Variants in MICAL2 observed in about 807,000 individuals in gnomAD.
MICAL2 encodes microtubule associated monooxygenase, calponin and LIM domain containing 2.
MICAL2 carries 77 observed loss-of-function variants against 127.3 expected under a neutral mutation model. That is an observed-to-expected ratio of 0.60 (90% CI 0.50 to 0.73). MICAL2 has a LOEUF of 0.73. Among genes scored for constraint, MICAL2 ranks in the 30% least tolerant of loss-of-function variants. MICAL2 has a pLI of 0.00. For missense variants in MICAL2, 1,351 were observed against 1,434.4 expected, an observed-to-expected ratio of 0.94 and a Z score of 0.94; for synonymous variants, 570 against 551.1, an observed-to-expected ratio of 1.03 and a Z score of -0.48.
chr11:12,290,416 A>G (rs1019500278), downstream of MICAL2, among the ~76,000 whole-genome samples: 4 of 152,108 alleles, frequency 2.6e-5, no homozygotes, highest in African/African-American at 9.7e-5. Context: ...GGGAACAAAA[A>G]GGCAGTCTGT....
In MICAL2 at chr11:12,339,954, C is replaced by G. The variant is rs1474612147; in HGVS notation, c.5516-9884C>G. 6.6e-5 allele frequency among the ~76,000 whole-genome samples: 10 copies of G among 152,262 alleles called. 1 individual carries two copies. The East Asian group carries it at 1.7e-3, about 26-fold the overall frequency. ...GTTCTCAAGCTGTGTGCTGGGAGAA[C>G]CACTACTCTCTTCAAAGCTCAGTTG... On this transcript the variant is annotated intron_variant, in intron 32 of 34. Coordinates refer to the MICAL2 transcript ENST00000646065.
chr11:12,282,378 T>A (rs1863782115), intron 2 of MICAL2, among the ~76,000 whole-genome samples: 1 of 152,172 alleles, frequency 6.6e-6, no homozygotes, highest in Non-Finnish European at 1.5e-5. Flanking sequence ...CCCCCTGGGC[T>A]CCAGCTCCCC....
At chr11:12,314,961 T>C (rs1864217019) in intron 29 of MICAL2, among the ~76,000 whole-genome samples, 1 of 152,164 alleles carries the variant, frequency 6.6e-6, no homozygotes, top group Non-Finnish European at 1.5e-5. Flanking sequence ...TTTTTCTGCA[T>C]CACAATACTT....
chr11:12,259,628 A>G, intron 25 of MICAL2, 167 bp from the exon 26 acceptor site: 1 of 556,562 alleles, frequency 1.8e-6, no homozygotes, highest in South Asian at 3.8e-5. Flanking sequence ...GCCCCTAGAA[A>G]AGTGCCCGTG....
intron 1 of MICAL2, chr11:12,276,451 T>C: frequency 8.0e-6 from 2 of 248,826 alleles, no homozygotes; most frequent in Non-Finnish European, 1.5e-5. Context: ...CCCCATGCTC[T>C]TCTCAGGAGG....
upstream of MICAL2, among the ~76,000 whole-genome samples, chr11:12,275,810 C>A (rs1396719582): frequency 2.6e-5 from 4 of 152,206 alleles, no homozygotes; most frequent in African/African-American, 7.2e-5. Context: ...GCCCTAAATG[C>A]CTGGGCATCT....
intron 4 of MICAL2, among the ~76,000 whole-genome samples, chr11:12,206,700 G>A (rs142560523): frequency 3.5e-4 from 54 of 152,252 alleles, no homozygotes; most frequent in South Asian, 8.3e-4. Context: ...CCTCCAGCAC[G>A]GTGACCTCAT....
chr11:12,217,002 T>C (rs1354935129), intron 8 of MICAL2, among the ~76,000 whole-genome samples: 1 of 152,220 alleles, frequency 6.6e-6, no homozygotes, highest in African/African-American at 2.4e-5. Context: ...TTTGTCCTGC[T>C]GGCTTCCTGG....
intron 16 of MICAL2, among the ~76,000 whole-genome samples, chr11:12,236,498 A>G (rs974160881): frequency 1.3e-5 from 2 of 152,248 alleles, no homozygotes; most frequent in Non-Finnish European, 1.5e-5. Flanking sequence ...TACACTTGAA[A>G]TACATGAAAC....
At chr11:12,219,339 T>C (rs186788386) in intron 8 of MICAL2, among the ~76,000 whole-genome samples, 158 of 152,088 alleles carry the variant, frequency 1.0e-3, no homozygotes, top group African/African-American at 3.7e-3. Context: ...CCCTCCAGGA[T>C]GGATATTCCA....
intron 1 of MICAL2, among the ~76,000 whole-genome samples, chr11:12,126,956 A>G (rs1173046314): frequency 1.2e-4 from 18 of 152,126 alleles, no homozygotes; most frequent in Admixed American, 1.0e-3. Context: ...ATAAGTTGGG[A>G]GTAAGAAGAG....
chr11:12,183,011 G>C lies in MICAL2; in HGVS notation c.264+20592G>C, dbSNP rs141614985. ...TACTCTCACTGCTTCTCTATCTGCT[G>C]TTCCAAGCCAACTGTTCTTAGATGG... On this transcript the variant is annotated intron_variant, in intron 3 of 27. Transcript: ENST00000683283. Among the ~76,000 whole-genome samples the C allele has an allele frequency of 3.9e-5, 6 of 152,210 alleles. No homozygotes were observed. The East Asian group carries it at 1.2e-3, about 29-fold the overall frequency.
chr11:12,158,372 GA>G (rs1440182660), intron 2 of MICAL2, among the ~76,000 whole-genome samples: 4 of 152,054 alleles, frequency 2.6e-5, no homozygotes, highest in African/African-American at 9.7e-5. Flanking sequence ...GAATCGTAAT[GA>G]GTATTGGTTA....
downstream of MICAL2, among the ~76,000 whole-genome samples, chr11:12,266,454 G>C (rs947675425): frequency 2.6e-5 from 4 of 152,256 alleles, no homozygotes; most frequent in Non-Finnish European, 5.9e-5. Context: ...AAAAAAAAAG[G>C]CTTAAGTAAG....
downstream of MICAL2, chr11:12,294,483 G>T: frequency 6.2e-7 from 1 of 1,614,084 alleles, no homozygotes; most frequent in Non-Finnish European, 8.5e-7. Flanking sequence ...TTGCCCAATC[G>T]GCCATCCAAG....
rs574589883 is a variant in MICAL2 at position 12,157,696 on chromosome 11, A to G, written c.-77-4383A>G. Among the ~76,000 whole-genome samples, 436 of 105,722 alleles carry G rather than the reference A, an allele frequency of 4.1e-3. 1 individual carries two copies. The highest frequency in any genetic ancestry group is 7.8e-3 in the Middle Eastern group (1 of 128). The allele number at this position is 105,722 out of a possible 152,430, so 69.4% of individuals were successfully genotyped here. A position where few individuals can be genotyped will look rare whatever the true frequency, so the allele number is the denominator to read the frequency against. ...AAGAGCTAGTTACCAGGATCCTCTG[A>G]TAAAAAAAAAAAATCCTGACTACGT... On this transcript the variant is annotated intron_variant, in intron 2 of 27. Transcript: ENST00000683283.
chr11:12,241,069 G>A lies in MICAL2; in HGVS notation c.2244G>A (p.Pro748=), dbSNP rs768429993. ...QERRVSGIGK[P]VLCSSSGPPV... is the part of the protein sequence containing the mutation. ...GCCGTGTCTCAGGGATAGGTAAGCC[G>A]GTCCTGTGCTCTTCCTCCGGCCCTC... is the stretch of plus-strand genomic sequence containing the variant. The change falls in exon 18 of 28, where the codon CCG becomes CCA. Residue 748 remains proline, a synonymous_variant. Transcript: ENST00000683283. 49 of 1,613,950 alleles carry A rather than the reference G, an allele frequency of 3.0e-5. 1 individual carries two copies. Among genetic ancestry groups the A allele is most frequent in the South Asian group, 2.3e-4 (21 of 91,068 alleles).
At chr11:12,336,283 T>G (rs1237885141) in intron 32 of MICAL2, among the ~76,000 whole-genome samples, 3 of 152,236 alleles carry the variant, frequency 2.0e-5, no homozygotes, top group Non-Finnish European at 4.4e-5. Flanking sequence ...AGAATGTCTG[T>G]GATTTTTGCA....
At chr11:12,302,663 C>T (rs901348246) in intron 29 of MICAL2, among the ~76,000 whole-genome samples, 1 of 152,006 alleles carries the variant, frequency 6.6e-6, no homozygotes, top group Non-Finnish European at 1.5e-5. Context: ...TTTGGATAAA[C>T]AGAAGTACCT....
Sources: allele counts gnomAD v4.1 joint callset (sites outside exome capture counted in the v4.1 genomes callset), GRCh38; gene constraint gnomAD v4.1.1; transcripts MANE v1.5; gene names NCBI Gene and HGNC (gene_info 2026-07-23, HGNC 2026-07-21).